PRKACG: variants seen among roughly 807,000 people sequenced by gnomAD.
PRKACG encodes the protein protein kinase cAMP-activated catalytic subunit gamma.
In PRKACG, 24 loss-of-function variants were observed where a neutral mutation model predicts 25.6. The ratio of observed to expected loss-of-function variants is 0.94; its 90% CI spans 0.68 to 1.32. PRKACG has a LOEUF of 1.32. PRKACG is among the 40% of genes most tolerant of loss of function. The pLI is 0.00. For missense variants in PRKACG, 481 were observed against 462.9 expected, an observed-to-expected ratio of 1.04 and a Z score of -0.36; for synonymous variants, 202 against 195.9, an observed-to-expected ratio of 1.03 and a Z score of -0.26.
chr9:69,013,079 G>A lies in PRKACG; in HGVS notation c.1014C>T (p.Ile338=). 1.9e-6 allele frequency: 3 copies of A among 1,614,190 alleles called. No homozygotes were observed. The highest frequency in any genetic ancestry group is 2.5e-6 in the Non-Finnish European group (3 of 1,180,044). Residue 338 remains isoleucine (I), a synonymous_variant, in exon 1 of 1, where the codon ATC becomes ATT. Coordinates refer to ENST00000377276, the MANE Select transcript of PRKACG (RefSeq NM_002732.4). ...CCTTGGCACACTTCTCATTGATGGA[G>A]ATCCGGAGCTCTTCCTCCTCGTAGT... ...FDDYEEEELR[I]SINEKCAKEF... is the part of the protein sequence containing the mutation.
rs3841198 is a variant in PRKACG, at chr9:69,012,835, TG to T, written c.*201del. 944 of 504,258 alleles carry T rather than the reference TG, an allele frequency of 1.9e-3. No homozygotes were observed. The highest frequency in any genetic ancestry group is 5.2e-3 in the Middle Eastern group (10 of 1,932). The allele number at this position is 504,258 out of a possible 1,614,324, so 31.2% of individuals were successfully genotyped here. A position where few individuals can be genotyped will look rare whatever the true frequency, so the allele number is the denominator to read the frequency against. On this transcript the variant is annotated 3_prime_UTR_variant, in exon 1 of 1. Transcript: ENST00000377276. ...GAAGCACAGAGGGACCAGGAAGGCATGGGGGGGGGTGAGGGAGCAGCTGGTG... is the reference window on the plus strand; with the variant it reads ...GAAGCACAGAGGGACCAGGAAGGCATGGGGGGGGTGAGGGAGCAGCTGGTG...
At position 69,013,450 on chromosome 9, in the gene PRKACG, C is replaced by G. The variant is rs1831296431; in HGVS notation, c.643G>C (p.Gly215Arg). The change falls in exon 1 of 1, where the codon GGC (glycine) becomes CGC (arginine). Residue 215 changes from glycine (G) to arginine (R), a missense_variant. Coordinates refer to ENST00000377276, the MANE Select transcript of PRKACG (RefSeq NM_002732.4). ...YLAPEIILSKGYNKAVDWWAL... is the reference protein window; with the variant it reads ...YLAPEIILSKRYNKAVDWWAL... ...CACCAGTCCACGGCCTTGTTGTAGC[C>G]TTTGCTCAGGATGATCTCGGGGGCC... 6.2e-7 allele frequency: 1 copy of G among 1,613,860 alleles called. No homozygotes were observed. The highest frequency in any genetic ancestry group is 8.5e-7 in the Non-Finnish European group (1 of 1,180,010).
Position 69,013,164 on chromosome 9 carries a change from T to A in PRKACG, c.929A>T (p.Lys310Met). 6.2e-7 allele frequency: 1 copy of A among 1,614,192 alleles called. No homozygotes were observed. Among genetic ancestry groups the A allele is most frequent in the Non-Finnish European group, 8.5e-7 (1 of 1,180,032 alleles). ...CTTCGGGATGAAGGGAGCTTCCACC[T>A]TCTTCTCATAGATGGCGATCCAGCT... ...TTSWIAIYEK[K>M]VEAPFIPKYT... Residue 310 changes from lysine to methionine, a missense_variant, in exon 1 of 1, where the codon AAG becomes ATG. Lys to Met is a moderately conservative substitution (Grantham distance 95). Transcript: ENST00000377276.
Position 69,013,110 on chromosome 9 carries a change from A to C in PRKACG, c.983T>G (p.Phe328Cys). The change falls in exon 1 of 1, where the codon TTT becomes TGT. Residue 328 changes from phenylalanine (F) to cysteine (C), a missense_variant. Physicochemically the swap from Phe to Cys is radical, Grantham distance 205 (BLOSUM62 -2). Coordinates refer to ENST00000377276, the MANE Select transcript of PRKACG (RefSeq NM_002732.4). Reference sequence around the variant, plus strand: ...GAGCTCTTCCTCCTCGTAGTCGTCAAAGTTACTGGCATCCCCAGGGCCTGT... The same window carrying C: ...GAGCTCTTCCTCCTCGTAGTCGTCACAGTTACTGGCATCCCCAGGGCCTGT... ...KYTGPGDASN[F>C]DDYEEEELRI... 2.5e-6 allele frequency: 4 copies of C among 1,614,060 alleles called. No individual in the cohort carries two copies. The highest frequency in any genetic ancestry group is 3.4e-6 in the Non-Finnish European group (4 of 1,179,910).
Position 69,013,321 on chromosome 9 carries a change from A to G in PRKACG, c.772T>C (p.Phe258Leu). ...YEKIVSGRVRFPSKLSSDLKH... is the reference protein window; with the variant it reads ...YEKIVSGRVRLPSKLSSDLKH... ...AGGTCAGAGCTGAGTTTGGAGGGAA[A>G]CCGCACCCTCCCAGAGACGATCTTC... Residue 258 changes from phenylalanine (F) to leucine (L), a missense_variant, in exon 1 of 1, where the codon TTT becomes CTT. By Grantham distance (22) the Phe-to-Leu change is conservative (BLOSUM62 0). Transcript: ENST00000377276. The G allele has an allele frequency of 1.2e-6, 2 of 1,613,830 alleles. No homozygotes were observed. Among genetic ancestry groups the G allele is most frequent in the Non-Finnish European group, 1.7e-6 (2 of 1,179,958 alleles).
At position 69,013,694 on chromosome 9, in the gene PRKACG, T is replaced by C; in HGVS notation, c.399A>G (p.Leu133=). Residue 133 remains leucine, a synonymous_variant, in exon 1 of 1, where the codon CTA becomes CTG. Coordinates refer to ENST00000377276, the MANE Select transcript of PRKACG (RefSeq NM_002732.4). The part of the protein sequence containing the change: ...YVPGGEMFSR[L]QRVGRFSEPH... ...GCTCGCTAAACCTTCCGACGCGCTG[T>C]AGGCGGGAGAACATCTCCCCACCCG... is the stretch of plus-strand genomic sequence containing the variant. 3.1e-6 allele frequency: 5 copies of C among 1,613,994 alleles called. No homozygotes were observed. Among genetic ancestry groups the C allele is most frequent in the Non-Finnish European group, 4.2e-6 (5 of 1,180,006 alleles).
rs751426566 is a variant in PRKACG, at chr9:69,014,050, TCTC to T, written c.40_42del (p.Glu14del). The T allele has an allele frequency of 3.1e-6, 5 of 1,612,318 alleles. No individual in the cohort carries two copies. Among genetic ancestry groups the T allele is most frequent in the Admixed American group, 3.3e-5 (2 of 59,980 alleles). On this transcript the variant is annotated inframe_deletion, in exon 1 of 1. Coordinates refer to ENST00000377276, the MANE Select transcript of PRKACG (RefSeq NM_002732.4). ...GCTTTGGCTAGGAACTCGTTCACGC[TCTC>T]CTCCTGCTCGGTGTCCTTCTTGGCG...
rs41296338 is a variant in PRKACG, at chr9:69,013,163, C to T, written c.930G>A (p.Lys310=). ...ACTTCGGGATGAAGGGAGCTTCCAC[C>T]TTCTTCTCATAGATGGCGATCCAGC... The part of the protein sequence containing the change: ...TTSWIAIYEK[K]VEAPFIPKYT... Residue 310 remains lysine, a synonymous_variant, in exon 1 of 1, where the codon AAG becomes AAA. Transcript: ENST00000377276. 299 of 1,614,194 alleles carry T rather than the reference C, an allele frequency of 1.9e-4. No homozygotes were observed. The African/African-American group carries it at 3.6e-3, about 19-fold the overall frequency.
chr9:69,013,723 C>G lies in PRKACG; in HGVS notation c.370G>C (p.Val124Leu), dbSNP rs746335645. 8 of 1,613,926 alleles carry G rather than the reference C, an allele frequency of 5.0e-6. No homozygotes were observed. The African/African-American group carries it at 6.7e-5, about 13-fold the overall frequency. Residue 124 changes from valine (V) to leucine (L), a missense_variant, in exon 1 of 1, where the codon GTG (valine) becomes CTG (leucine). Coordinates refer to ENST00000377276, the MANE Select transcript of PRKACG (RefSeq NM_002732.4). ...CGGGAGAACATCTCCCCACCCGGCACGTACTCCATCACCAGGTACAGGTAG... is the reference window on the plus strand; with the variant it reads ...CGGGAGAACATCTCCCCACCCGGCAGGTACTCCATCACCAGGTACAGGTAG... ...NSYLYLVMEY[V>L]PGGEMFSRLQ...
chr9:69,012,839 G>GT lies in PRKACG; in HGVS notation c.*197_*198insA. The GT allele has an allele frequency of 1.9e-6, 1 of 528,690 alleles. No individual in the cohort carries two copies. Among genetic ancestry groups the GT allele is most frequent in the Non-Finnish European group, 3.2e-6 (1 of 311,724 alleles). The allele number at this position is 528,690 out of a possible 1,614,324, so 32.7% of individuals were successfully genotyped here. A position where few individuals can be genotyped will look rare whatever the true frequency, so the allele number is the denominator to read the frequency against. ...CACAGAGGGACCAGGAAGGCATGGG[G>GT]GGGGGTGAGGGAGCAGCTGGTGTTT... On this transcript the variant is annotated 3_prime_UTR_variant, in exon 1 of 1. Coordinates refer to ENST00000377276, the MANE Select transcript of PRKACG (RefSeq NM_002732.4).
rs1325266962 is a variant in PRKACG, at chr9:69,013,437, G to A, written c.656C>T (p.Ala219Val). The A allele has an allele frequency of 6.2e-7, 1 of 1,613,786 alleles. No individual in the cohort carries two copies. Residue 219 changes from alanine (A) to valine (V), a missense_variant, in exon 1 of 1, where the codon GCC becomes GTC. Physicochemically the swap from Ala to Val is moderately conservative, Grantham distance 64. Transcript: ENST00000377276. ...CACCCCTAGGGCCCACCAGTCCACG[G>A]CCTTGTTGTAGCCTTTGCTCAGGAT... is the stretch of plus-strand genomic sequence containing the variant. ...EIILSKGYNKAVDWWALGVLI... is the reference protein window; with the variant it reads ...EIILSKGYNKVVDWWALGVLI...
Position 69,013,793 on chromosome 9 carries a change from G to T in PRKACG, c.300C>A (p.Asp100Glu). ...ACTGGAGCTTGACGAGGAACGGAAA[G>T]TCGATCGCCTGCAGGATGCGCTTCT... ...LNEKRILQAIDFPFLVKLQFS... is the reference protein window; with the variant it reads ...LNEKRILQAIEFPFLVKLQFS... Residue 100 changes from aspartate (D) to glutamate (E), a missense_variant, in exon 1 of 1, where the codon GAC (aspartate) becomes GAA (glutamate). Coordinates refer to ENST00000377276, the MANE Select transcript of PRKACG (RefSeq NM_002732.4). 6.2e-7 allele frequency: 1 copy of T among 1,613,978 alleles called. No individual in the cohort carries two copies. Among genetic ancestry groups the T allele is most frequent in the Non-Finnish European group, 8.5e-7 (1 of 1,180,016 alleles).
Position 69,012,712 on chromosome 9 carries a change from T to A in PRKACG, c.*325A>T. On this transcript the variant is annotated 3_prime_UTR_variant, in exon 1 of 1. Transcript: ENST00000377276. ...CCTCTTTCCACACCGTGTCCCTTGA[T>A]ACAACAGCAAGACCTGGCCTGAATA... 1 of 280,430 alleles carries A rather than the reference T, an allele frequency of 3.6e-6. No homozygotes were observed. The highest frequency in any genetic ancestry group is 6.7e-6 in the Non-Finnish European group (1 of 149,082). 17.4% of individuals were successfully genotyped at this position (280,430 alleles called of 1,614,324 possible).
rs1831291271 is a variant in PRKACG, at chr9:69,013,106, G to A, written c.987C>T (p.Asp329=). Residue 329 remains aspartate, a synonymous_variant, in exon 1 of 1, where the codon GAC becomes GAT. Transcript: ENST00000377276. The stretch of plus-strand genomic sequence containing the variant: ...TCCGGAGCTCTTCCTCCTCGTAGTC[G>A]TCAAAGTTACTGGCATCCCCAGGGC... ...YTGPGDASNF[D]DYEEEELRIS... is the part of the protein sequence containing the mutation. 2 of 1,614,174 alleles carry A rather than the reference G, an allele frequency of 1.2e-6. No individual in the cohort carries two copies. Among genetic ancestry groups the A allele is most frequent in the Non-Finnish European group, 1.7e-6 (2 of 1,180,036 alleles).
chr9:69,013,696 G>A lies in PRKACG; in HGVS notation c.397C>T (p.Leu133=), dbSNP rs759569182. 1.2e-6 allele frequency: 2 copies of A among 1,614,128 alleles called. No individual in the cohort carries two copies. The highest frequency in any genetic ancestry group is 1.7e-6 in the Non-Finnish European group (2 of 1,180,036). ...YVPGGEMFSR[L]QRVGRFSEPH... ...TCGCTAAACCTTCCGACGCGCTGTAGGCGGGAGAACATCTCCCCACCCGGC... is the reference window on the plus strand; with the variant it reads ...TCGCTAAACCTTCCGACGCGCTGTAAGCGGGAGAACATCTCCCCACCCGGC... Residue 133 remains leucine, a synonymous_variant, in exon 1 of 1, where the codon CTA becomes TTA. Coordinates refer to ENST00000377276, the MANE Select transcript of PRKACG (RefSeq NM_002732.4).
At position 69,012,795 on chromosome 9, in the gene PRKACG, G is replaced by A. The variant is rs537852638; in HGVS notation, c.*242C>T. 170 of 527,792 alleles carry A rather than the reference G, an allele frequency of 3.2e-4. No individual in the cohort carries two copies. Among genetic ancestry groups the A allele is most frequent in the African/African-American group, 3.1e-3 (160 of 52,444 alleles). The allele number at this position is 527,792 out of a possible 1,614,324, so 32.7% of individuals were successfully genotyped here. A position where few individuals can be genotyped will look rare whatever the true frequency, so the allele number is the denominator to read the frequency against. ...GGGGCTGGGGCAAGGGGGACCCTGTGGGAGGAGAAAGAGAGAAGCACAGAG... is the reference window on the plus strand; with the variant it reads ...GGGGCTGGGGCAAGGGGGACCCTGTAGGAGGAGAAAGAGAGAAGCACAGAG... On this transcript the variant is annotated 3_prime_UTR_variant, in exon 1 of 1. Transcript: ENST00000377276.
In PRKACG at chr9:69,013,257, G is replaced by A; in HGVS notation, c.836C>T (p.Thr279Ile). ...LLRSLLQVDL[T>I]KRFGNLRNGV... is the part of the protein sequence containing the mutation. ...GTTCCTGAGGTTTCCGAAGCGCTTG[G>A]TGAGGTCCACCTGCAGCAGGCTCCG... The change falls in exon 1 of 1, where the codon ACC (threonine) becomes ATC (isoleucine). Residue 279 changes from threonine (T) to isoleucine (I), a missense_variant. Thr to Ile is a moderately conservative substitution (Grantham distance 89). Coordinates refer to ENST00000377276, the MANE Select transcript of PRKACG (RefSeq NM_002732.4). 6.2e-7 allele frequency: 1 copy of A among 1,614,138 alleles called. No individual in the cohort carries two copies. Among genetic ancestry groups the A allele is most frequent in the South Asian group, 1.1e-5 (1 of 91,078 alleles).
At position 69,013,375 on chromosome 9, in the gene PRKACG, A is replaced by G. The variant is rs1831295344; in HGVS notation, c.718T>C (p.Tyr240His). ...YEMAVGFPPF[Y>H]ADQPIQIYEK... The stretch of plus-strand genomic sequence containing the variant: ...TAGATCTGGATGGGCTGGTCGGCGT[A>G]GAAGGGTGGGAAGCCCACGGCCATC... Residue 240 changes from tyrosine to histidine, a missense_variant, in exon 1 of 1, where the codon TAC becomes CAC. Tyr to His is a moderately conservative substitution (Grantham distance 83, BLOSUM62 2). Coordinates refer to ENST00000377276, the MANE Select transcript of PRKACG (RefSeq NM_002732.4). The G allele has an allele frequency of 6.2e-7, 1 of 1,613,766 alleles. No homozygotes were observed. The highest frequency in any genetic ancestry group is 8.5e-7 in the Non-Finnish European group (1 of 1,180,016).
rs910398907 is a variant in PRKACG at position 69,012,842 on chromosome 9, G to GC, written c.*194_*195insG. The GC allele has an allele frequency of 5.0e-6, 3 of 594,332 alleles. No individual in the cohort carries two copies. Among genetic ancestry groups the GC allele is most frequent in the Non-Finnish European group, 8.8e-6 (3 of 339,062 alleles). 36.8% of individuals were successfully genotyped at this position (594,332 alleles called of 1,614,324 possible). A position where few individuals can be genotyped will look rare whatever the true frequency, so the allele number is the denominator to read the frequency against. ...AGAGGGACCAGGAAGGCATGGGGGG[G>GC]GGTGAGGGAGCAGCTGGTGTTTCTG... is the stretch of plus-strand genomic sequence containing the variant. On this transcript the variant is annotated 3_prime_UTR_variant, in exon 1 of 1. Coordinates refer to ENST00000377276, the MANE Select transcript of PRKACG (RefSeq NM_002732.4).
Sources: gnomAD v4.1 joint callset for allele counts on GRCh38, gnomAD v4.1.1 for gene constraint, MANE v1.5 for transcripts, NCBI Gene and HGNC (gene_info 2026-07-23, HGNC 2026-07-21) for gene names.